The following SCAPER variants were observed in gnomAD, a reference collection of about 807,000 sequenced individuals.
The protein encoded by SCAPER is S-phase cyclin A associated protein in the ER, also known as S phase cyclin A-associated protein in the endoplasmic reticulum.
Under a neutral mutation model 182.2 loss-of-function variants are expected in SCAPER, and 98 were observed. That is an observed-to-expected ratio of 0.54 (90% CI 0.46 to 0.64). The LOEUF (loss-of-function observed/expected upper bound fraction) is 0.64, where lower values mean the gene tolerates loss of function less well. Ranked by LOEUF, SCAPER falls within the 30% of genes least tolerant of loss-of-function variation. The pLI is 0.00. For synonymous variants in SCAPER, 605 were observed against 564.6 expected, an observed-to-expected ratio of 1.07 and a Z score of -1.01; for missense variants, 1,432 against 1,690.0, an observed-to-expected ratio of 0.85 and a Z score of 2.68.
chr15:76,610,668 C>CA (rs2050896962), intron 22 of SCAPER, among the ~76,000 whole-genome samples: 1 of 152,016 alleles, frequency 6.6e-6, no homozygotes, highest in Non-Finnish European at 1.5e-5. Context: ...ATTGGAATAA[C>CA]AATTCCATTT....
At chr15:76,870,443 A>G (rs1257406280) in intron 2 of SCAPER, among the ~76,000 whole-genome samples, 1 of 152,036 alleles carries the variant, frequency 6.6e-6, no homozygotes, top group African/African-American at 2.4e-5. Context: ...GAAAAAATAT[A>G]AAAAAAGGGA....
At chr15:76,747,151 A>C (rs2061838085) in intron 15 of SCAPER, among the ~76,000 whole-genome samples, 2 of 152,200 alleles carry the variant, frequency 1.3e-5, no homozygotes, top group African/African-American at 2.4e-5. Flanking sequence ...TGGTACTGGC[A>C]TAAGGACAGA....
chr15:76,831,640 C>G (rs2068495738), intron 5 of SCAPER, among the ~76,000 whole-genome samples: 1 of 151,886 alleles, frequency 6.6e-6, no homozygotes, highest in South Asian at 2.1e-4. Flanking sequence ...CGCACTGGTA[C>G]ACACTCACCC....
At chr15:76,562,148 C>CAAAAAAAA (rs66722088) in intron 23 of SCAPER, among the ~76,000 whole-genome samples, 2 of 74,014 alleles carry the variant, frequency 2.7e-5, no homozygotes, top group Non-Finnish European at 4.9e-5. Flanking sequence ...AACTTCATCT[C>CAAAAAAAA]AAAAAAAAAA....
intron 1 of SCAPER, among the ~76,000 whole-genome samples, chr15:76,889,466 T>C (rs548732227): frequency 6.6e-6 from 1 of 151,802 alleles, no homozygotes; most frequent in East Asian, 1.9e-4. Flanking sequence ...CAAACTAAAG[T>C]ATGGAGGAAG....
intron 25 of SCAPER, among the ~76,000 whole-genome samples, chr15:76,460,493 A>C (rs283799): frequency 0.12 from 18,509 of 152,116 alleles, 1,534 homozygotes; most frequent in African/African-American, 0.24. Flanking sequence ...GATCATGCCA[A>C]CTGCAAATGG....
At chr15:76,692,838 T>A (rs967028378) in intron 20 of SCAPER, among the ~76,000 whole-genome samples, 4 of 142,998 alleles carry the variant, frequency 2.8e-5, no homozygotes, top group Non-Finnish European at 4.6e-5. Flanking sequence ...AAATAAAAAA[T>A]AAAGCGACAA....
intron 21 of SCAPER, among the ~76,000 whole-genome samples, chr15:76,642,283 TTAA>T (rs1197783786): frequency 3.9e-5 from 6 of 152,196 alleles, no homozygotes; most frequent in Non-Finnish European, 8.8e-5. Flanking sequence ...TTTTTGACTG[TTAA>T]TAATGATTAT....
At chr15:76,757,455 T>TATACAC (rs764676538) in intron 14 of SCAPER, among the ~76,000 whole-genome samples, 44 of 150,518 alleles carry the variant, frequency 2.9e-4, no homozygotes, top group African/African-American at 1.0e-3. Flanking sequence ...GTTTTATATA[T>TATACAC]ACACACACAC....
At chr15:76,431,954 A>T (rs1318680150) in intron 26 of SCAPER, among the ~76,000 whole-genome samples, 2 of 152,156 alleles carry the variant, frequency 1.3e-5, no homozygotes, top group East Asian at 3.8e-4. Context: ...TTAGGGGAAA[A>T]ATACCTCCTA....
At chr15:76,494,756 A>C (rs530753356) in intron 24 of SCAPER, among the ~76,000 whole-genome samples, 4 of 152,128 alleles carry the variant, frequency 2.6e-5, no homozygotes, top group African/African-American at 9.7e-5. Context: ...GATTGATAAG[A>C]TATTCTATCT....
chr15:76,840,685 T>A (rs2069387026), intron 5 of SCAPER, among the ~76,000 whole-genome samples: 1 of 152,218 alleles, frequency 6.6e-6, no homozygotes, highest in African/African-American at 2.4e-5. Flanking sequence ...ACCATGTTCA[T>A]CATAAAAACA....
At chr15:76,722,431 G>A (rs2060304948) in intron 17 of SCAPER, among the ~76,000 whole-genome samples, 1 of 152,228 alleles carries the variant, frequency 6.6e-6, no homozygotes. Context: ...TCAGGATGAT[G>A]CTGGCCTCAT....
intron 20 of SCAPER, among the ~76,000 whole-genome samples, chr15:76,697,362 C>T (rs1232731483): frequency 1.3e-5 from 2 of 152,090 alleles, no homozygotes; most frequent in African/African-American, 4.8e-5. Context: ...AAATTTAATT[C>T]CTTCAAACTG....
chr15:76,423,623 G>C (rs941754230), intron 26 of SCAPER, among the ~76,000 whole-genome samples: 1 of 152,038 alleles, frequency 6.6e-6, no homozygotes, highest in African/African-American at 2.4e-5. Flanking sequence ...ATCTCCTTCA[G>C]TTCTGCTCTC....
At chr15:76,436,123 A>G (rs746962700) in intron 25 of SCAPER, among the ~76,000 whole-genome samples, 15 of 152,102 alleles carry the variant, frequency 9.9e-5, no homozygotes, top group Non-Finnish European at 2.1e-4. Context: ...ACTGGAGTGC[A>G]GTGGCACGAT....
intron 23 of SCAPER, among the ~76,000 whole-genome samples, chr15:76,532,318 T>C (rs1234420976): frequency 6.7e-6 from 1 of 149,612 alleles, no homozygotes; most frequent in Admixed American, 6.7e-5. Context: ...ACATTACCCC[T>C]CCCCTCCCCT....
chr15:76,397,007 GTTT>G (rs61586857), intron 27 of SCAPER, among the ~76,000 whole-genome samples: 82 of 121,154 alleles, frequency 6.8e-4, no homozygotes, highest in South Asian at 4.6e-3. Context: ...TTTTTTGAGA[GTTT>G]TTTTTTTTTT....
intron 17 of SCAPER, among the ~76,000 whole-genome samples, chr15:76,713,302 T>C (rs1376348489): frequency 6.6e-6 from 1 of 152,044 alleles, no homozygotes; most frequent in Non-Finnish European, 1.5e-5. Context: ...GGACTATAAA[T>C]CATGCTGCTA....
Sources: allele counts gnomAD v4.1 joint callset (sites outside exome capture counted in the v4.1 genomes callset), GRCh38; gene constraint gnomAD v4.1.1; transcripts MANE v1.5; gene names NCBI Gene and HGNC (gene_info 2026-07-23, HGNC 2026-07-21).